Variants in MAP3K20 observed in about 807,000 individuals in gnomAD.
The protein encoded by MAP3K20 is HCCS-4.
Under a neutral mutation model 85.7 loss-of-function variants are expected in MAP3K20, and 40 were observed. The observed-to-expected ratio is 0.47, with a 90% CI of 0.36 to 0.61. The LOEUF (loss-of-function observed/expected upper bound fraction) is 0.61, where lower values mean the gene tolerates loss of function less well. Among genes scored for constraint, MAP3K20 ranks in the 20% least tolerant of loss-of-function variants. MAP3K20 has a pLI of 0.00. For synonymous variants in MAP3K20, 325 were observed against 327.7 expected, an observed-to-expected ratio of 0.99 and a Z score of 0.09; for missense variants, 817 against 961.7, an observed-to-expected ratio of 0.85 and a Z score of 1.99.
At chr2:173,079,750 A>G (rs1686963172) in intron 1 of MAP3K20, among the ~76,000 whole-genome samples, 1 of 152,182 alleles carries the variant, frequency 6.6e-6, no homozygotes, top group African/African-American at 2.4e-5. Flanking sequence ...CGTCAATATC[A>G]CTGTTTTCTA....
chr2:173,126,457 G>A (rs753298973), intron 2 of MAP3K20, among the ~76,000 whole-genome samples: 1 of 152,074 alleles, frequency 6.6e-6, no homozygotes, highest in Non-Finnish European at 1.5e-5. Flanking sequence ...TCTGCTAACT[G>A]CAACCTCCAC....
intron 2 of MAP3K20, among the ~76,000 whole-genome samples, chr2:173,119,921 A>C (rs910571697): frequency 2.0e-4 from 30 of 152,324 alleles, no homozygotes; most frequent in African/African-American, 7.0e-4. Context: ...TTAGCCTCTA[A>C]CAATTTGTAT....
chr2:173,179,221 G>A (rs1041491444), intron 3 of MAP3K20, among the ~76,000 whole-genome samples: 10 of 151,790 alleles, frequency 6.6e-5, no homozygotes, highest in Middle Eastern at 3.4e-3. Flanking sequence ...GTGAAACCCC[G>A]TCTCTACTAA....
chr2:173,184,476 A>C (rs1029162402), intron 4 of MAP3K20, among the ~76,000 whole-genome samples: 2 of 151,942 alleles, frequency 1.3e-5, no homozygotes, highest in African/African-American at 4.8e-5. Flanking sequence ...TTCTCCCTGC[A>C]CCCCCTTAAC....
At chr2:173,104,605 A>G (rs536578573) in intron 2 of MAP3K20, among the ~76,000 whole-genome samples, 2 of 152,226 alleles carry the variant, frequency 1.3e-5, no homozygotes, top group Non-Finnish European at 2.9e-5. Flanking sequence ...AGCTTTGACA[A>G]ATATACCCTG....
chr2:173,158,312 A>G (rs1454275622), intron 2 of MAP3K20, among the ~76,000 whole-genome samples: 1 of 152,180 alleles, frequency 6.6e-6, no homozygotes. Flanking sequence ...AGAAGGACCT[A>G]TGATTTTACT....
intron 2 of MAP3K20, among the ~76,000 whole-genome samples, chr2:173,128,926 T>TC (rs1688526919): frequency 1.4e-5 from 2 of 147,044 alleles, no homozygotes; most frequent in Non-Finnish European, 3.0e-5. Context: ...CTTTTCTTTT[T>TC]TTTTTTTTTT....
intron 2 of MAP3K20, among the ~76,000 whole-genome samples, chr2:173,123,632 A>G (rs940817358): frequency 1.3e-5 from 2 of 152,190 alleles, no homozygotes; most frequent in African/African-American, 4.8e-5. Flanking sequence ...GGGGCTTGAA[A>G]TTGTTTGTTT....
chr2:173,160,575 C>T (rs1487096946), intron 2 of MAP3K20, among the ~76,000 whole-genome samples: 2 of 152,124 alleles, frequency 1.3e-5, no homozygotes, highest in Admixed American at 1.3e-4. Flanking sequence ...AACTCTCCTT[C>T]GTTTTCTTTA....
rs1690372149 is a variant in MAP3K20 at position 173,182,936 on chromosome 2, G to A, written c.330G>A (p.Trp110Ter). The change falls in exon 4 of 20, where the codon TGG (tryptophan) becomes TGA (stop). Residue 110 changes from tryptophan to a stop codon, truncating the protein, a stop_gained. Coordinates refer to ENST00000375213, the MANE Select transcript of MAP3K20 (RefSeq NM_016653.3). LOFTEE classifies it high-confidence loss of function. ...EEMDMDHIMT[W>*]ATDVAKGMHY... ...TGGATATGGATCACATTATGACCTG[G>A]GCCACTGATGTAGCCAAAGGTAATA... The A allele has an allele frequency of 6.2e-7, 1 of 1,608,744 alleles. No homozygotes were observed. The highest frequency in any genetic ancestry group is 1.3e-5 in the African/African-American group (1 of 74,720).
chr2:173,115,490 G>C (rs1458418193), intron 2 of MAP3K20, among the ~76,000 whole-genome samples: 1 of 152,082 alleles, frequency 6.6e-6, no homozygotes. Flanking sequence ...GAAGAGCCTT[G>C]TTTTCTTATA....
intron 2 of MAP3K20, among the ~76,000 whole-genome samples, chr2:173,118,956 A>T (rs188777346): frequency 6.6e-6 from 1 of 152,380 alleles, no homozygotes; most frequent in Admixed American, 6.5e-5. Flanking sequence ...TAGATGCTTC[A>T]GTATGAAAAC....
intron 8 of MAP3K20, among the ~76,000 whole-genome samples, chr2:173,199,601 C>T (rs1234110153): frequency 2.0e-5 from 3 of 148,332 alleles, no homozygotes; most frequent in Middle Eastern, 3.5e-3. Flanking sequence ...ACTCTGGAAC[C>T]AAAACATTCA....
chr2:173,076,291 C>G (rs909139590), intron 1 of MAP3K20, among the ~76,000 whole-genome samples: 1 of 152,072 alleles, frequency 6.6e-6, no homozygotes, highest in African/African-American at 2.4e-5. Context: ...GGGCCGGTCC[C>G]ATGGAGAAGT....
intron 3 of MAP3K20, among the ~76,000 whole-genome samples, chr2:173,181,919 G>A (rs2106264540): frequency 6.6e-6 from 1 of 151,490 alleles, no homozygotes; most frequent in Admixed American, 6.6e-5. Context: ...GCCTCAGCAT[G>A]GTGGTATGTG....
rs144858356 is a variant in MAP3K20 at position 173,224,649 on chromosome 2, G to A, written c.988-5040G>A. ...TGAAGAGCTTAAAATTGTTCTCCTC[G>A]TAGAACTGGACTATTGATCATTACC... is the stretch of plus-strand genomic sequence containing the variant. On this transcript the variant is annotated intron_variant, in intron 11 of 19. Transcript: ENST00000375213. 133 of 984,906 alleles carry A rather than the reference G, an allele frequency of 1.4e-4. 1 individual carries two copies. The East Asian group carries it at 4.6e-3, about 34-fold the overall frequency. 61.0% of individuals were successfully genotyped at this position (984,906 alleles called of 1,614,324 possible).
At chr2:173,254,418 A>G (rs1685113400) in intron 16 of MAP3K20, among the ~76,000 whole-genome samples, 1 of 138,356 alleles carries the variant, frequency 7.2e-6, no homozygotes, top group African/African-American at 2.9e-5. Flanking sequence ...TGGGCAACAG[A>G]GTGAGACTTC....
chr2:173,209,536 C>T (rs1369084789), intron 9 of MAP3K20, 193 bp from the exon 10 acceptor site: 5 of 452,904 alleles, frequency 1.1e-5, no homozygotes, highest in East Asian at 3.5e-5. Context: ...AATAGTTCAC[C>T]GAAAATAAAG....
At chr2:173,090,101 T>A (rs1350940843) in intron 1 of MAP3K20, among the ~76,000 whole-genome samples, 2 of 152,202 alleles carry the variant, frequency 1.3e-5, no homozygotes, top group East Asian at 1.9e-4. Context: ...CAAACTTTTT[T>A]ATCCACTAAT....
Sources: gnomAD v4.1 joint callset for allele counts (sites outside exome capture counted in the v4.1 genomes callset) on GRCh38, gnomAD v4.1.1 for gene constraint, MANE v1.5 for transcripts, NCBI Gene and HGNC (gene_info 2026-07-23, HGNC 2026-07-21) for gene names.